CRACD: variants seen among roughly 807,000 people sequenced by gnomAD.
CRACD encodes the protein capping protein-inhibiting regulator of actin dynamics.
Under a neutral mutation model 106.8 loss-of-function variants are expected in CRACD, and 56 were observed. The observed-to-expected ratio is 0.52, with a 90% CI of 0.42 to 0.66. CRACD has a LOEUF of 0.66. Among genes scored for constraint, CRACD ranks in the 30% least tolerant of loss-of-function variants. The pLI, the probability that CRACD is intolerant of heterozygous loss-of-function variation, is 0.00. For missense variants in CRACD, 1,730 were observed against 1,623.2 expected, an observed-to-expected ratio of 1.07 and a Z score of -1.13; for synonymous variants, 754 against 670.8, an observed-to-expected ratio of 1.12 and a Z score of -1.92.
intron 2 of CRACD, among the ~76,000 whole-genome samples, chr4:56,223,625 A>G (rs1318506153): frequency 2.0e-5 from 3 of 152,120 alleles, no homozygotes; most frequent in African/African-American, 7.2e-5. Context: ...TTCTCCACTG[A>G]CTTAAAATGC....
intron 3 of CRACD, among the ~76,000 whole-genome samples, chr4:56,279,183 A>G (rs552094467): frequency 6.6e-6 from 1 of 152,310 alleles, no homozygotes; most frequent in African/African-American, 2.4e-5. Context: ...CCTGCACCCA[A>G]TGTCCGACAA....
At chr4:56,157,710 T>G (rs768787762) in intron 1 of CRACD, among the ~76,000 whole-genome samples, 20 of 152,206 alleles carry the variant, frequency 1.3e-4, no homozygotes, top group Non-Finnish European at 2.4e-4. Context: ...ACAGAAGTTT[T>G]CAGGGGAGTC....
At chr4:56,325,173 A>T (rs945360163) in intron 10 of CRACD, among the ~76,000 whole-genome samples, 1 of 152,076 alleles carries the variant, frequency 6.6e-6, no homozygotes, top group Admixed American at 6.6e-5. Flanking sequence ...CGTCTCTACT[A>T]AAAATACAAA....
At chr4:56,071,800 T>C (rs1319541545) in intron 1 of CRACD, among the ~76,000 whole-genome samples, 2 of 149,784 alleles carry the variant, frequency 1.3e-5, no homozygotes, top group African/African-American at 2.4e-5. Context: ...CTTCAGCCAC[T>C]GCGTCTGGCC....
intron 1 of CRACD, among the ~76,000 whole-genome samples, chr4:56,102,086 G>A (rs930085809): frequency 6.6e-6 from 1 of 152,068 alleles, no homozygotes; most frequent in Non-Finnish European, 1.5e-5. Context: ...ATGTTATTTA[G>A]GGCATGCATT....
Position 56,214,681 on chromosome 4 carries a change from C to CTCTCTCTA in CRACD, c.-189+35252_-189+35253insCTCTCTAT. Reference sequence around the variant, plus strand: ...TCTCTCTCTCTCTCTCTCTCTCTCTCTATATATATATATATCAAACAGTTA... The same window carrying CTCTCTCTA: ...TCTCTCTCTCTCTCTCTCTCTCTCTCTCTCTCTATATATATATATATATCAAACAGTTA... On this transcript the variant is annotated intron_variant, in intron 2 of 10. Coordinates refer to ENST00000682029, the MANE Select transcript of CRACD (RefSeq NM_001393381.1). Among the ~76,000 whole-genome samples the CTCTCTCTA allele has an allele frequency of 2.5e-3, 202 of 80,994 alleles. 8 individuals are homozygous for CTCTCTCTA. Among genetic ancestry groups the CTCTCTCTA allele is most frequent in the Non-Finnish European group, 3.3e-3 (128 of 38,528 alleles). 53.1% of individuals were successfully genotyped at this position (80,994 alleles called of 152,430 possible). A position where few individuals can be genotyped will look rare whatever the true frequency, so the allele number is the denominator to read the frequency against.
chr4:56,202,581 A>G (rs77951507), intron 2 of CRACD, among the ~76,000 whole-genome samples: 29 of 152,308 alleles, frequency 1.9e-4, no homozygotes, highest in African/African-American at 6.3e-4. Flanking sequence ...AAGATGAAAG[A>G]TTACAGCAAT....
At chr4:56,286,578 T>A (rs187995037) in intron 3 of CRACD, among the ~76,000 whole-genome samples, 96 of 146,298 alleles carry the variant, frequency 6.6e-4, no homozygotes, top group African/African-American at 2.2e-3. Flanking sequence ...GAAAGCTGAA[T>A]TGGAAAAGAT....
At chr4:56,288,426 C>G (rs970083990) in intron 3 of CRACD, 1 of 166,278 alleles carries the variant, frequency 6.0e-6, no homozygotes, top group African/African-American at 2.4e-5. Context: ...TCCCTAATGT[C>G]TGTGTGTTCC....
In CRACD at chr4:56,241,642, G is replaced by T. The variant is rs148245036; in HGVS notation, c.-188-30679G>T. ...GCCCTCCAGGAGTTCATGGTTTAGT[G>T]GGGGAGACTGACAAATAAACCAGAG... On this transcript the variant is annotated intron_variant, in intron 2 of 10. Transcript: ENST00000682029. Among the ~76,000 whole-genome samples the T allele has an allele frequency of 2.9e-3, 443 of 152,288 alleles. 3 individuals carry two copies. Among genetic ancestry groups the T allele is most frequent in the African/African-American group, 0.01 (424 of 41,548 alleles).
intron 2 of CRACD, among the ~76,000 whole-genome samples, chr4:56,191,412 C>T (rs1391461981): frequency 6.6e-6 from 1 of 150,462 alleles, no homozygotes; most frequent in Non-Finnish European, 1.5e-5. Flanking sequence ...TCCCTCTGTT[C>T]CTCCCTGTCT....
chr4:56,240,250 A>G (rs113208192), intron 2 of CRACD, among the ~76,000 whole-genome samples: 3 of 152,274 alleles, frequency 2.0e-5, no homozygotes, highest in African/African-American at 7.2e-5. Flanking sequence ...AAACACCGTG[A>G]TAGAGATATG....
chr4:56,197,700 AC>A (rs1737674097), intron 2 of CRACD, among the ~76,000 whole-genome samples: 1 of 151,648 alleles, frequency 6.6e-6, no homozygotes, highest in Non-Finnish European at 1.5e-5. Context: ...TTTTTTTGAA[AC>A]GGAGTCTCAC....
At chr4:56,313,071 C>A in intron 6 of CRACD, 126 bp from the exon 7 acceptor site, 2 of 783,626 alleles carry the variant, frequency 2.6e-6, no homozygotes, top group East Asian at 2.5e-5. Context: ...GGAGTTCCCT[C>A]TGCTCACCTG....
At chr4:56,058,860 A>C (rs566603057) in intron 1 of CRACD, among the ~76,000 whole-genome samples, 1 of 152,308 alleles carries the variant, frequency 6.6e-6, no homozygotes, top group South Asian at 2.1e-4. Flanking sequence ...CTAGTGAACA[A>C]CAATTTTGTC....
rs1439406552 is a variant in CRACD at position 56,059,892 on chromosome 4, CA to C, written c.-336+10594del. On this transcript the variant is annotated intron_variant, in intron 1 of 10. Coordinates refer to ENST00000682029, the MANE Select transcript of CRACD (RefSeq NM_001393381.1). ...AGAAAAGGGGTTTTGCCATGTTGGCCAGGCTGGTCTCAAACTCTTGGTTTCA... is the reference window on the plus strand; with the variant it reads ...AGAAAAGGGGTTTTGCCATGTTGGCCGGCTGGTCTCAAACTCTTGGTTTCA... Among the ~76,000 whole-genome samples the C allele has an allele frequency of 2.6e-5, 4 of 152,134 alleles. No homozygotes were observed. In the East Asian group the frequency reaches 7.7e-4, roughly 29 times the overall value.
intron 2 of CRACD, among the ~76,000 whole-genome samples, chr4:56,217,922 AGG>A (rs750707795): frequency 5.3e-5 from 8 of 152,136 alleles, no homozygotes; most frequent in Non-Finnish European, 1.0e-4. Flanking sequence ...AAGTGTTGGC[AGG>A]GTTGGCTCCT....
At chr4:56,250,594 A>G (rs1740995141) in intron 2 of CRACD, among the ~76,000 whole-genome samples, 1 of 152,216 alleles carries the variant, frequency 6.6e-6, no homozygotes, top group African/African-American at 2.4e-5. Context: ...CCCAAGACAC[A>G]CTTTTGAAAT....
chr4:56,057,571 A>T (rs1732118350), intron 1 of CRACD, among the ~76,000 whole-genome samples: 1 of 151,766 alleles, frequency 6.6e-6, no homozygotes, highest in South Asian at 2.1e-4. Flanking sequence ...GTGCTCATTT[A>T]AGTCAGCACT....
Sources: gnomAD v4.1 joint callset for allele counts (sites outside exome capture counted in the v4.1 genomes callset) on GRCh38, gnomAD v4.1.1 for gene constraint, MANE v1.5 for transcripts, NCBI Gene and HGNC (gene_info 2026-07-23, HGNC 2026-07-21) for gene names.